The following DNAH1 variants were observed in gnomAD, a reference collection of about 807,000 sequenced individuals.
DNAH1 encodes axonemal beta dynein heavy chain 1.
In DNAH1, 327 loss-of-function variants were observed where a neutral mutation model predicts 484.3. The ratio of observed to expected loss-of-function variants is 0.68; its 90% CI spans 0.62 to 0.74. DNAH1 has a LOEUF of 0.74. DNAH1 is among the 30% of genes least tolerant of loss of function. The pLI is 0.00. For missense variants in DNAH1, 5,052 were observed against 5,546.8 expected, an observed-to-expected ratio of 0.91 and a Z score of 2.83; for synonymous variants, 2,192 against 2,191.9, an observed-to-expected ratio of 1.00 and a Z score of 0.00.
intron 59 of DNAH1, 21 bp from the exon 60 acceptor site, chr3:52,389,440 C>T (rs1190404387): frequency 6.2e-7 from 1 of 1,611,280 alleles, no homozygotes; most frequent in Non-Finnish European, 8.5e-7. Flanking sequence ...TGGGGTGGTC[C>T]TGAGTCTGGC....
chr3:52,370,358 C>T (rs561184897), intron 39 of DNAH1, 119 bp from the exon 40 acceptor site: 2 of 1,546,386 alleles, frequency 1.3e-6, no homozygotes, highest in African/African-American at 1.4e-5. Flanking sequence ...ACCACCTGTC[C>T]AATTGGCTGT....
Position 52,381,515 on chromosome 3 carries a change from C to T in DNAH1, c.7609-125C>T. The T allele has an allele frequency of 1.2e-6, 1 of 821,676 alleles. No individual in the cohort carries two copies. Among genetic ancestry groups the T allele is most frequent in the South Asian group, 1.9e-5 (1 of 52,082 alleles). 50.9% of individuals were successfully genotyped at this position (821,676 alleles called of 1,614,324 possible). On this transcript the variant is annotated intron_variant, in intron 48 of 77. Coordinates refer to ENST00000420323, the MANE Select transcript of DNAH1 (RefSeq NM_015512.5). The surrounding 1 kb of genome is among the most constrained non-coding windows in gnomAD (Gnocchi z 4.1). ...AGGGGAAACATGCAGCTGGCCGGGT[C>T]ACAGGTGGTCAAGGCACCTGTGCTT...
At chr3:52,347,780 G>A (rs774896004) in intron 11 of DNAH1, 44 bp from the exon 12 acceptor site, 8 of 1,506,534 alleles carry the variant, frequency 5.3e-6, no homozygotes, top group Middle Eastern at 3.5e-4. Flanking sequence ...CTGCACACAG[G>A]CCTCCTAGGC....
At chr3:52,360,767 C>T (rs1303292419) in intron 28 of DNAH1, among the ~76,000 whole-genome samples, 2 of 152,238 alleles carry the variant, frequency 1.3e-5, no homozygotes, top group African/African-American at 4.8e-5. Context: ...GTCAATTCCT[C>T]CTTTAATGTG....
Position 52,353,684 on chromosome 3 carries a change from G to C in DNAH1, c.3480+51G>C. Reference sequence around the variant, plus strand: ...CACTCCAGCCAGGCCCTGCCGGACAGCCTGACCTCCTGCTCTGGCAACCAC... The same window carrying C: ...CACTCCAGCCAGGCCCTGCCGGACACCCTGACCTCCTGCTCTGGCAACCAC... On this transcript the variant is annotated intron_variant, in intron 20 of 77. Transcript: ENST00000420323. The surrounding 1 kb of genome is among the most constrained non-coding windows in gnomAD (Gnocchi z 5.0). 6.4e-7 allele frequency: 1 copy of C among 1,550,630 alleles called. No homozygotes were observed. Among genetic ancestry groups the C allele is most frequent in the Non-Finnish European group, 8.7e-7 (1 of 1,149,532 alleles).
chr3:52,393,196 C>T (rs1425274285), intron 65 of DNAH1, 138 bp from the exon 66 acceptor site: 3 of 1,467,746 alleles, frequency 2.0e-6, no homozygotes, highest in Non-Finnish European at 2.8e-6. Context: ...CGAGCCCCTT[C>T]ACTGGGAACA....
At position 52,357,743 on chromosome 3, in the gene DNAH1, C is replaced by A. The variant is rs1161040128; in HGVS notation, c.3980+8C>A. On this transcript the variant is annotated splice_region_variant and intron_variant, in intron 23 of 77. Transcript: ENST00000420323. ...GAGGAGCGCCTTCCCCAGGTGGGCG[C>A]CACCTGGCCATGCCCACTCCGCCAC... is the stretch of plus-strand genomic sequence containing the variant. 1 of 1,574,328 alleles carries A rather than the reference C, an allele frequency of 6.4e-7. No homozygotes were observed. Among genetic ancestry groups the A allele is most frequent in the Admixed American group, 1.9e-5 (1 of 53,896 alleles).
chr3:52,345,371 G>A (rs192675467), intron 9 of DNAH1, 124 bp from the exon 10 acceptor site: 50 of 799,024 alleles, frequency 6.3e-5, no homozygotes, highest in Admixed American at 5.4e-4. Context: ...CTCTGGGAAC[G>A]CCAGTCACTC....
chr3:52,397,156 G>C, intron 73 of DNAH1, 112 bp downstream of exon 73: 2 of 1,033,580 alleles, frequency 1.9e-6, no homozygotes, highest in South Asian at 3.3e-5. Context: ...CCCTCCATCA[G>C]CTGTCTTTTC....
rs938711693 is a variant in DNAH1, at chr3:52,364,138, G to A, written c.5245-500G>A. 6.6e-6 allele frequency among the ~76,000 whole-genome samples: 1 copy of A among 152,216 alleles called. No individual in the cohort carries two copies. Among genetic ancestry groups the A allele is most frequent in the Non-Finnish European group, 1.5e-5 (1 of 68,044 alleles). ...TGGAGTCCTCTTGGTTGGGCACCAT[G>A]GGGCAGAATGATTAATTTAACTATT... On this transcript the variant is annotated intron_variant, in intron 32 of 77. Coordinates refer to ENST00000420323, the MANE Select transcript of DNAH1 (RefSeq NM_015512.5). This position sits in a 1 kb window ranked among gnomAD's most constrained non-coding sequence, Gnocchi z 4.2.
intron 56 of DNAH1, 104 bp from the exon 57 acceptor site, chr3:52,388,063 G>A (rs946849921): frequency 1.4e-6 from 2 of 1,422,834 alleles, no homozygotes; most frequent in Non-Finnish European, 1.9e-6. Context: ...CCTGCACAGG[G>A]CATAAAAGCC....
At chr3:52,366,646 T>C (rs1703087352) in intron 35 of DNAH1, 87 bp from the exon 36 acceptor site, 1 of 1,556,788 alleles carries the variant, frequency 6.4e-7, no homozygotes, top group East Asian at 2.3e-5. Context: ...CCCCTTGGCA[T>C]AGAATACCCC....
Position 52,372,403 on chromosome 3 carries a change from C to T in DNAH1, c.6827+16C>T. The T allele has an allele frequency of 1.9e-6, 3 of 1,612,260 alleles. No homozygotes were observed. Among genetic ancestry groups the T allele is most frequent in the South Asian group, 2.2e-5 (2 of 91,068 alleles). ...TGGACAAGAGGCAGGGCACCCCTCC[C>T]TCCTTCCTCACCCCTGCATCCTCCC... On this transcript the variant is annotated intron_variant, in intron 43 of 77. Transcript: ENST00000420323.
At position 52,399,718 on chromosome 3, in the gene DNAH1, C is replaced by T. The variant is rs1228340866; in HGVS notation, c.12615C>T (p.Asn4205=). ...MAVIWLLPTP[N]RKAQDQDFYL... ...TTATCTGGCTCTTGCCAACACCCAACCGCAAGGCCCAGGACCAGGACTTTT... is the reference window on the plus strand; with the variant it reads ...TTATCTGGCTCTTGCCAACACCCAATCGCAAGGCCCAGGACCAGGACTTTT... The change falls in exon 77 of 78, where the codon AAC becomes AAT. Residue 4205 remains asparagine (N), a synonymous_variant. Coordinates refer to ENST00000420323, the MANE Select transcript of DNAH1 (RefSeq NM_015512.5). 21 of 1,614,024 alleles carry T rather than the reference C, an allele frequency of 1.3e-5. No homozygotes were observed. The East Asian group carries it at 4.5e-4, about 34-fold the overall frequency.
chr3:52,376,767 G>A (rs1437222300), intron 46 of DNAH1, among the ~76,000 whole-genome samples: 1 of 152,106 alleles, frequency 6.6e-6, no homozygotes, highest in African/African-American at 2.4e-5. Flanking sequence ...CTCCTCCAAA[G>A]CATTGTCTTT....
At chr3:52,365,629 G>A (rs2153224528) in intron 34 of DNAH1, among the ~76,000 whole-genome samples, 1 of 152,160 alleles carries the variant, frequency 6.6e-6, no homozygotes, top group East Asian at 1.9e-4. Context: ...TTCATTCCCA[G>A]CCAGCCACCC....
At position 52,381,185 on chromosome 3, in the gene DNAH1, C is replaced by G. The variant is rs1256276695; in HGVS notation, c.7609-455C>G. Among the ~76,000 whole-genome samples the G allele has an allele frequency of 6.6e-6, 1 of 152,190 alleles. No homozygotes were observed. Among genetic ancestry groups the G allele is most frequent in the Admixed American group, 6.5e-5 (1 of 15,278 alleles). ...GCATGAACTTGGCTTACTGCAGCCT[C>G]TACCTCATGGGCTCTATCAGTCGTC... On this transcript the variant is annotated intron_variant, in intron 48 of 77. Transcript: ENST00000420323. This position sits in a 1 kb window ranked among gnomAD's most constrained non-coding sequence, Gnocchi z 4.1.
In DNAH1 at chr3:52,391,711, A is replaced by G. The variant is rs529422410; in HGVS notation, c.10052+108A>G. 8.5e-5 allele frequency: 115 copies of G among 1,345,096 alleles called. No individual in the cohort carries two copies. In the African/African-American group the frequency reaches 1.3e-3, roughly 15 times the overall value. 83.3% of individuals were successfully genotyped at this position (1,345,096 alleles called of 1,614,324 possible). A position where few individuals can be genotyped will look rare whatever the true frequency, so the allele number is the denominator to read the frequency against. ...AGTCAGTGGGACTTTCCCCCACTCA[A>G]AGTCTCCACCAGTTTCACCCCAGGC... is the stretch of plus-strand genomic sequence containing the variant. On this transcript the variant is annotated intron_variant, in intron 63 of 77. Transcript: ENST00000420323.
intron 17 of DNAH1, 39 bp downstream of exon 17, chr3:52,352,142 C>T: frequency 3.2e-6 from 5 of 1,553,986 alleles, no homozygotes; most frequent in Non-Finnish European, 4.3e-6. Context: ...GACACAGCCC[C>T]CACCACACGC....
Sources: allele counts gnomAD v4.1 joint callset (sites outside exome capture counted in the v4.1 genomes callset), GRCh38; gene constraint gnomAD v4.1.1; non-coding constraint Gnocchi (gnomAD v3.1); transcripts MANE v1.5; gene names NCBI Gene and HGNC (gene_info 2026-07-23, HGNC 2026-07-21).